CFAP20DC: variants seen among roughly 807,000 people sequenced by gnomAD.
CFAP20DC encodes CFAP20 domain containing, also known as protein CFAP20DC.
Under a neutral mutation model 101.7 loss-of-function variants are expected in CFAP20DC, and 84 were observed. The observed-to-expected ratio is 0.83, with a 90% CI of 0.69 to 0.99. The LOEUF (loss-of-function observed/expected upper bound fraction) is 0.99, where lower values mean the gene tolerates loss of function less well. CFAP20DC is among the 50% of genes least tolerant of loss of function. The probability of loss-of-function intolerance (pLI) is 0.00; values close to 1 mark genes in which losing one functional copy is unlikely to be tolerated. For missense variants in CFAP20DC, 1,007 were observed against 970.3 expected, an observed-to-expected ratio of 1.04 and a Z score of -0.50; for synonymous variants, 359 against 351.2, an observed-to-expected ratio of 1.02 and a Z score of -0.25.
At chr3:58,842,126 T>C (rs1228227217) in intron 13 of CFAP20DC, among the ~76,000 whole-genome samples, 1 of 152,212 alleles carries the variant, frequency 6.6e-6, no homozygotes, top group Admixed American at 6.5e-5. Context: ...TCATTTTCAG[T>C]AAGCATTCCT....
chr3:58,920,602 G>T (rs775454027), intron 5 of CFAP20DC, among the ~76,000 whole-genome samples: 8 of 151,962 alleles, frequency 5.3e-5, no homozygotes, highest in Non-Finnish European at 7.4e-5. Flanking sequence ...ATAATCTTAC[G>T]ATTTTCCCCC....
intron 4 of CFAP20DC, among the ~76,000 whole-genome samples, chr3:58,997,981 T>A (rs1401289530): frequency 2.6e-5 from 4 of 152,196 alleles, no homozygotes; most frequent in Admixed American, 2.6e-4. Context: ...AAAGTGGGAT[T>A]GAGAGCTTCA....
intron 15 of CFAP20DC, among the ~76,000 whole-genome samples, chr3:58,757,709 T>A (rs928733462): frequency 6.6e-5 from 10 of 152,108 alleles, no homozygotes; most frequent in African/African-American, 2.4e-4. Context: ...TTCTGGTATA[T>A]GGTGTGAGTT....
At chr3:59,032,302 GT>G (rs111262793) in intron 4 of CFAP20DC, among the ~76,000 whole-genome samples, 9 of 151,306 alleles carry the variant, frequency 5.9e-5, no homozygotes, top group African/African-American at 1.7e-4. Flanking sequence ...AGCTGCAGGA[GT>G]TTTTTTTTCA....
intron 6 of CFAP20DC, among the ~76,000 whole-genome samples, chr3:58,909,399 TTTG>T (rs2083921328): frequency 6.6e-6 from 1 of 152,220 alleles, no homozygotes; most frequent in Non-Finnish European, 1.5e-5. Context: ...TGTACAACTT[TTTG>T]TTTTTCTTGA....
rs763950914 is a variant in CFAP20DC at position 58,909,077 on chromosome 3, A to T, written c.550+4631T>A. Among the ~76,000 whole-genome samples the T allele has an allele frequency of 2.6e-5, 4 of 152,194 alleles. No individual in the cohort carries two copies. In the South Asian group the frequency reaches 8.3e-4, roughly 32 times the overall value. ...TGTGTGATACTATAGTACTAGCTAG[A>T]CACAGGTCTTTACCTATTTGCAAGA... On this transcript the variant is annotated intron_variant, in intron 6 of 16. Coordinates refer to ENST00000482387, the MANE Select transcript of CFAP20DC (RefSeq NM_001394063.1).
chr3:58,724,737 G>A lies in CFAP20DC; in HGVS notation c.198-7109C>T, dbSNP rs1293593939. On this transcript the variant is annotated intron_variant, in intron 3 of 3. Transcript: ENST00000486145. This position sits in a 1 kb window ranked among gnomAD's most constrained non-coding sequence, Gnocchi z 5.6. ...CCTCCATTTTGCAACTGGCCCCCTGGCTCCCACCTTTATGAACTCTTAACC... is the reference window on the plus strand; with the variant it reads ...CCTCCATTTTGCAACTGGCCCCCTGACTCCCACCTTTATGAACTCTTAACC... Among the ~76,000 whole-genome samples, 1 of 152,100 alleles carries A rather than the reference G, an allele frequency of 6.6e-6. No individual in the cohort carries two copies. The highest frequency in any genetic ancestry group is 2.4e-5 in the African/African-American group (1 of 41,414).
chr3:58,934,800 A>G (rs2087286408), intron 5 of CFAP20DC, among the ~76,000 whole-genome samples: 1 of 152,178 alleles, frequency 6.6e-6, no homozygotes, highest in Non-Finnish European at 1.5e-5. Context: ...TCTATGACAA[A>G]CCCACAGCCA....
downstream of CFAP20DC, chr3:58,717,325 C>T (rs1181650829): frequency 4.7e-6 from 1 of 212,944 alleles, no homozygotes; most frequent in South Asian, 6.3e-5. The surrounding 1 kb of genome is among the most constrained non-coding windows in gnomAD (Gnocchi z 4.1). Context: ...CCCTGGTCTG[C>T]CGTCCACACT....
intron 4 of CFAP20DC, among the ~76,000 whole-genome samples, chr3:58,960,122 G>A (rs1275599124): frequency 6.6e-6 from 1 of 152,118 alleles, no homozygotes; most frequent in African/African-American, 2.4e-5. Flanking sequence ...GTGTTCTCCT[G>A]TTTCACTGAT....
rs1173086160 is a variant in CFAP20DC, at chr3:58,874,252, T to G, written c.716-3943A>C. ...CCCTGATCTCTCCATATCCCATCCA[T>G]GTCCACTTCCTTCCATCTCCTCCAC... is the stretch of plus-strand genomic sequence containing the variant. On this transcript the variant is annotated intron_variant, in intron 7 of 16. Transcript: ENST00000482387. The surrounding 1 kb of genome is among the most constrained non-coding windows in gnomAD (Gnocchi z 5.1). Among the ~76,000 whole-genome samples, 1 of 152,204 alleles carries G rather than the reference T, an allele frequency of 6.6e-6. No homozygotes were observed. Among genetic ancestry groups the G allele is most frequent in the South Asian group, 2.1e-4 (1 of 4,826 alleles).
chr3:58,955,202 C>G (rs2090515640), intron 4 of CFAP20DC, among the ~76,000 whole-genome samples: 1 of 152,098 alleles, frequency 6.6e-6, no homozygotes, highest in Admixed American at 6.5e-5. Context: ...TCTGCAAGTA[C>G]ACCAATTTAA....
At chr3:59,020,561 C>G (rs914347435) in intron 4 of CFAP20DC, among the ~76,000 whole-genome samples, 10 of 150,170 alleles carry the variant, frequency 6.7e-5, no homozygotes, top group African/African-American at 2.2e-4. Flanking sequence ...GTGTGTGTGT[C>G]TGTGTTTATA....
chr3:58,802,872 G>A (rs995244626), intron 15 of CFAP20DC, among the ~76,000 whole-genome samples: 5 of 151,860 alleles, frequency 3.3e-5, no homozygotes, highest in African/African-American at 4.8e-5. Flanking sequence ...AAAAAATTAA[G>A]AAGATAGTTA....
At chr3:58,923,216 AT>A (rs2085576547) in intron 5 of CFAP20DC, among the ~76,000 whole-genome samples, 1 of 152,228 alleles carries the variant, frequency 6.6e-6, no homozygotes, top group South Asian at 2.1e-4. Context: ...CCCAAAATAC[AT>A]TACTAATTTT....
chr3:58,941,798 C>T (rs56054739), intron 4 of CFAP20DC, among the ~76,000 whole-genome samples: 9,102 of 152,100 alleles, frequency 0.06, 416 homozygotes, highest in Non-Finnish European at 0.083. Context: ...CCTCGTGATC[C>T]GCCCGCCTCG....
chr3:58,819,314 A>C (rs1321930045), intron 14 of CFAP20DC, among the ~76,000 whole-genome samples: 2 of 152,332 alleles, frequency 1.3e-5, no homozygotes, highest in African/African-American at 4.8e-5. Context: ...AAGGAAATAG[A>C]GACACAAAAA....
At position 58,717,656 on chromosome 3, in the gene CFAP20DC, G is replaced by GAAAA; in HGVS notation, c.198-32_198-29dup. ...GCATTTCAGGTAGGAGAAGAGAGAA[G>GAAAA]AAAAAAAAAAAAGAAAAAAGGTACA... On this transcript the variant is annotated intron_variant, in intron 3 of 3. Coordinates refer to the CFAP20DC transcript ENST00000486145. The surrounding 1 kb of genome is among the most constrained non-coding windows in gnomAD (Gnocchi z 4.1). The GAAAA allele has an allele frequency of 3.0e-6, 1 of 336,338 alleles. No homozygotes were observed. 20.8% of individuals were successfully genotyped at this position (336,338 alleles called of 1,614,324 possible). A position where few individuals can be genotyped will look rare whatever the true frequency, so the allele number is the denominator to read the frequency against.
At chr3:58,783,639 G>A (rs577937687) in intron 15 of CFAP20DC, among the ~76,000 whole-genome samples, 3 of 152,036 alleles carry the variant, frequency 2.0e-5, no homozygotes, top group South Asian at 2.1e-4. Context: ...CAAAAACCAC[G>A]AATACATATT....
Sources: allele counts gnomAD v4.1 joint callset (sites outside exome capture counted in the v4.1 genomes callset), GRCh38; gene constraint gnomAD v4.1.1; non-coding constraint Gnocchi (gnomAD v3.1); transcripts MANE v1.5; gene names NCBI Gene and HGNC (gene_info 2026-07-23, HGNC 2026-07-21).